The following CCDC171 variants were observed in gnomAD, a reference collection of about 807,000 sequenced individuals.
The protein encoded by CCDC171 is coiled-coil domain containing 171, also known as coiled-coil domain-containing protein 171.
In CCDC171, 177 loss-of-function variants were observed where a neutral mutation model predicts 168.2. That is an observed-to-expected ratio of 1.05 (90% CI 0.93 to 1.19). CCDC171 has a LOEUF of 1.19. CCDC171 is among the 50% of genes most tolerant of loss of function. CCDC171 has a pLI of 0.00. For synonymous variants in CCDC171, 687 were observed against 540.8 expected, an observed-to-expected ratio of 1.27 and a Z score of -3.75; for missense variants, 1,991 against 1,539.0, an observed-to-expected ratio of 1.29 and a Z score of -4.91.
chr9:15,894,732 C>G (rs1158540183), intron 24 of CCDC171, among the ~76,000 whole-genome samples: 2 of 152,068 alleles, frequency 1.3e-5, no homozygotes, highest in Non-Finnish European at 2.9e-5. Flanking sequence ...TTCCACAAGG[C>G]TCACTCCTTC....
the CCDC171 span, among the ~76,000 whole-genome samples, chr9:16,082,224 G>A: frequency 6.6e-6 from 1 of 152,156 alleles, no homozygotes; most frequent in Non-Finnish European, 1.5e-5. Flanking sequence ...ATGTAAATAT[G>A]CTTTGTAATA....
chr9:15,769,007 A>G (rs903730951), intron 18 of CCDC171, among the ~76,000 whole-genome samples: 2 of 152,232 alleles, frequency 1.3e-5, no homozygotes, highest in African/African-American at 2.4e-5. Context: ...ATAAACCTGC[A>G]ATTTAAGCCA....
intron 4 of CCDC171, chr9:15,588,609 C>T (rs938280815): frequency 1.0e-5 from 3 of 290,794 alleles, no homozygotes; most frequent in Non-Finnish European, 2.1e-5. Context: ...CTGGAGACGC[C>T]AAGTGAAATG....
At chr9:15,886,536 C>G (rs936106547) in intron 24 of CCDC171, 35 of 152,046 alleles carry the variant, frequency 2.3e-4, no homozygotes, top group African/African-American at 8.2e-4. Flanking sequence ...ATTGGTATAG[C>G]TATTATGGAA....
chr9:15,827,507 T>C (rs1194658205), intron 21 of CCDC171, among the ~76,000 whole-genome samples: 1 of 152,218 alleles, frequency 6.6e-6, no homozygotes, highest in Non-Finnish European at 1.5e-5. Context: ...GAGTGTCATC[T>C]TGAACTAGAC....
chr9:16,043,825 C>T (rs1198431650), intron 1 of CCDC171, among the ~76,000 whole-genome samples: 1 of 152,138 alleles, frequency 6.6e-6, no homozygotes, highest in Non-Finnish European at 1.5e-5. Flanking sequence ...CTACAGGGCC[C>T]TTAGGATGAG....
chr9:15,837,483 A>G (rs1398827205), intron 21 of CCDC171, among the ~76,000 whole-genome samples: 3 of 152,222 alleles, frequency 2.0e-5, no homozygotes, highest in African/African-American at 7.2e-5. Context: ...AAGAAAACCT[A>G]TAAAATGCTA....
intron 10 of CCDC171, 25 bp from the exon 11 acceptor site, chr9:15,695,210 G>A (rs981940814): frequency 6.7e-7 from 1 of 1,500,570 alleles, no homozygotes; most frequent in East Asian, 2.3e-5. Context: ...GTGACCTTAT[G>A]TGTAATTTTT....
chr9:15,794,022 G>T (rs1476321241), intron 21 of CCDC171, among the ~76,000 whole-genome samples: 1 of 16,028 alleles, frequency 6.2e-5, no homozygotes, highest in Non-Finnish European at 1.7e-4. Flanking sequence ...ACAGTGTTGG[G>T]TGGAGGTGGA....
intron 1 of CCDC171, among the ~76,000 whole-genome samples, chr9:16,046,157 A>G (rs533088851): frequency 9.2e-5 from 14 of 152,148 alleles, no homozygotes; most frequent in Non-Finnish European, 1.6e-4. Flanking sequence ...TGTGTTCACT[A>G]TGGGTTGGTG....
intron 23 of CCDC171, among the ~76,000 whole-genome samples, chr9:15,863,983 C>G (rs2061666591): frequency 6.6e-6 from 1 of 152,008 alleles, no homozygotes; most frequent in Admixed American, 6.6e-5. Context: ...AAAGTTGTAT[C>G]CTTTGTCACG....
At chr9:16,101,754 G>A in the CCDC171 span, among the ~76,000 whole-genome samples, 1 of 152,314 alleles carries the variant, frequency 6.6e-6, no homozygotes, top group African/African-American at 2.4e-5. Flanking sequence ...TCAGCCCCTA[G>A]GAGCTAAGAA....
chr9:15,603,431 T>TGTGTG (rs1328637980), intron 6 of CCDC171, among the ~76,000 whole-genome samples: 1 of 152,150 alleles, frequency 6.6e-6, no homozygotes, highest in Non-Finnish European at 1.5e-5. Context: ...CAGGCCCCAG[T>TGTGTG]GTGTGTTGTT....
intron 21 of CCDC171, among the ~76,000 whole-genome samples, chr9:15,829,013 C>T (rs925276790): frequency 2.0e-5 from 3 of 152,134 alleles, no homozygotes; most frequent in Admixed American, 1.3e-4. Flanking sequence ...TTTCACACGG[C>T]AAAGAATGGC....
In CCDC171 at chr9:15,656,189, G is replaced by A. The variant is rs62573086; in HGVS notation, c.823-938G>A. Reference sequence around the variant, plus strand: ...AAAAAATTAGCTGGGCGTGGTGGCCGGTACGTGTAGTAGTCCCAGCTACTT... The same window carrying A: ...AAAAAATTAGCTGGGCGTGGTGGCCAGTACGTGTAGTAGTCCCAGCTACTT... On this transcript the variant is annotated intron_variant, in intron 7 of 25. Transcript: ENST00000380701. 2.7e-3 allele frequency among the ~76,000 whole-genome samples: 413 copies of A among 152,156 alleles called. 2 individuals are homozygous for A. The highest frequency in any genetic ancestry group is 0.02 in the Middle Eastern group (6 of 294).
chr9:15,873,020 C>G (rs2131205916), intron 23 of CCDC171, among the ~76,000 whole-genome samples: 1 of 152,130 alleles, frequency 6.6e-6, no homozygotes, highest in Admixed American at 6.5e-5. Context: ...ATTGAGACTC[C>G]AGCATGCATG....
chr9:15,915,003 G>A (rs1407696721), intron 24 of CCDC171, among the ~76,000 whole-genome samples: 1 of 152,090 alleles, frequency 6.6e-6, no homozygotes. Context: ...CCAGTGAGTT[G>A]AACCGGGTAC....
chr9:15,828,036 A>G (rs2060086138), intron 21 of CCDC171, among the ~76,000 whole-genome samples: 1 of 152,228 alleles, frequency 6.6e-6, no homozygotes, highest in Admixed American at 6.5e-5. Flanking sequence ...ATATAGGAAT[A>G]GAAAGGAATA....
intron 1 of CCDC171, among the ~76,000 whole-genome samples, chr9:16,059,515 T>C (rs1334829245): frequency 1.4e-5 from 2 of 140,212 alleles, no homozygotes; most frequent in East Asian, 2.0e-4. Flanking sequence ...CTTTTTTTTT[T>C]TTTTTTTTTT....
Sources: allele counts gnomAD v4.1 joint callset (sites outside exome capture counted in the v4.1 genomes callset), GRCh38; gene constraint gnomAD v4.1.1; transcripts MANE v1.5; gene names NCBI Gene and HGNC (gene_info 2026-07-23, HGNC 2026-07-21).